Variants in MED13L observed in about 807,000 individuals in gnomAD.
The protein encoded by MED13L is mediator complex subunit 13L.
MED13L carries 7 observed loss-of-function variants against 220.9 expected under a neutral mutation model. The observed-to-expected ratio is 0.03, with a 90% CI of 0.02 to 0.06. MED13L has a LOEUF of 0.06. MED13L is among the 10% of genes least tolerant of loss of function. The pLI, the probability that MED13L is intolerant of heterozygous loss-of-function variation, is 1.00. For synonymous variants in MED13L, 1,011 were observed against 1,015.2 expected (o/e 1.00, Z 0.08); for missense variants, 1,965 against 2,760.5 (o/e 0.71, Z 6.46).
At chr12:116,253,228 C>A (rs1351733175) in intron 1 of MED13L, among the ~76,000 whole-genome samples, 1 of 145,040 alleles carries the variant, frequency 6.9e-6, no homozygotes, top group Admixed American at 7.2e-5. Context: ...GCCAAGATGG[C>A]GCCATTGCAC....
intron 1 of MED13L, among the ~76,000 whole-genome samples, chr12:116,251,064 T>G (rs2138518215): frequency 6.6e-6 from 1 of 150,392 alleles, no homozygotes; most frequent in African/African-American, 2.4e-5. Context: ...GAGGTATATC[T>G]AATAAGCCAA....
chr12:115,986,607 C>T (rs1877707550), intron 18 of MED13L, 118 bp from the exon 19 acceptor site: 8 of 940,576 alleles, frequency 8.5e-6, no homozygotes, highest in Non-Finnish European at 1.3e-5. Flanking sequence ...TCCATGTTCA[C>T]AAGACATTCT....
At chr12:116,035,636 G>A (rs118151130) in intron 4 of MED13L, among the ~76,000 whole-genome samples, 2,612 of 151,922 alleles carry the variant, frequency 0.017, 42 homozygotes, top group Middle Eastern at 0.031. Context: ...TGTCACTCAG[G>A]CTGGAATGCA....
chr12:116,080,602 T>G (rs1871165750), intron 4 of MED13L, among the ~76,000 whole-genome samples: 2 of 152,208 alleles, frequency 1.3e-5, no homozygotes, highest in South Asian at 4.1e-4. Context: ...AAGTTCACAG[T>G]TTCAGTATTA....
intron 2 of MED13L, among the ~76,000 whole-genome samples, chr12:116,201,093 A>G (rs1238120150): frequency 6.6e-6 from 1 of 152,242 alleles, no homozygotes; most frequent in Non-Finnish European, 1.5e-5. Context: ...GACTAGGATC[A>G]ACTGAATATA....
At chr12:116,124,122 A>AGAGAGAGAGAGAG (rs1565888715) in intron 2 of MED13L, among the ~76,000 whole-genome samples, 2 of 91,222 alleles carry the variant, frequency 2.2e-5, no homozygotes, top group Non-Finnish European at 4.5e-5. Flanking sequence ...AGAGAGAAAG[A>AGAGAGAGAGAGAG]CGAGAGAGAG....
intron 2 of MED13L, among the ~76,000 whole-genome samples, chr12:116,211,653 C>T (rs558318831): frequency 6.6e-6 from 1 of 152,122 alleles, no homozygotes; most frequent in East Asian, 1.9e-4. Context: ...GCAAGATAAA[C>T]GTTAAGTGAC....
rs1219003132 is a variant in MED13L, at chr12:115,959,085, C to G, written c.*2181G>C. ...TCAGATTAATTCAGTAAAAAACTCA[C>G]AAGTAAAATAATGCATATTTAAGGG... On this transcript the variant is annotated 3_prime_UTR_variant, in exon 31 of 31. Transcript: ENST00000281928. 6.6e-6 allele frequency: 1 copy of G among 152,490 alleles called. No individual in the cohort carries two copies. The highest frequency in any genetic ancestry group is 1.5e-5 in the Non-Finnish European group (1 of 68,008). The allele number at this position is 152,490 out of a possible 1,614,324, so 9.4% of individuals were successfully genotyped here.
At chr12:116,031,752 A>AAGAAGGAAGGAAGGAAGGAAGGAAGG (rs1555251772) in intron 4 of MED13L, among the ~76,000 whole-genome samples, 1 of 31,486 alleles carries the variant, frequency 3.2e-5, no homozygotes, top group Non-Finnish European at 5.6e-5. Flanking sequence ...AAAGAAAAGA[A>AAGAAGGAAGGAAGGAAGGAAGGAAGG]AAGAAAAGAA....
chr12:115,967,993 T>C (rs1876300229), intron 28 of MED13L, among the ~76,000 whole-genome samples: 1 of 145,384 alleles, frequency 6.9e-6, no homozygotes, highest in African/African-American at 2.6e-5. Context: ...CTGTGACTAA[T>C]CTAAGCTATA....
intron 2 of MED13L, among the ~76,000 whole-genome samples, chr12:116,192,024 T>C (rs1355947253): frequency 6.6e-6 from 1 of 152,240 alleles, no homozygotes; most frequent in African/African-American, 2.4e-5. Flanking sequence ...ATGAGTGTGC[T>C]AAAATATTAA....
Position 116,202,249 on chromosome 12 carries a change from G to A in MED13L, c.310+35219C>T, listed in dbSNP as rs114168988. Among the ~76,000 whole-genome samples the A allele has an allele frequency of 4.4e-3, 667 of 152,272 alleles. 6 individuals are homozygous for A. Among genetic ancestry groups the A allele is most frequent in the African/African-American group, 0.015 (619 of 41,546 alleles). ...TGCAGAGGCAAGAAGCATTATTATG[G>A]CTCTGAAATCCATATTCAGTAAGGC... On this transcript the variant is annotated intron_variant, in intron 2 of 30. Transcript: ENST00000281928.
At chr12:116,119,820 A>T (rs1371679644) in intron 2 of MED13L, among the ~76,000 whole-genome samples, 194 of 83,896 alleles carry the variant, frequency 2.3e-3, no homozygotes, top group Middle Eastern at 6.1e-3. Context: ...AAAAAAAAAA[A>T]AAAAAAAAAA....
In MED13L at chr12:115,996,698, G is replaced by T. The variant is rs1376137313; in HGVS notation, c.2791-17C>A. The T allele has an allele frequency of 1.2e-5, 19 of 1,601,184 alleles. No individual in the cohort carries two copies. The highest frequency in any genetic ancestry group is 2.7e-5 in the African/African-American group (2 of 74,640). On this transcript the variant is annotated splice_polypyrimidine_tract_variant and intron_variant, in intron 15 of 30. Coordinates refer to ENST00000281928, the MANE Select transcript of MED13L (RefSeq NM_015335.5). ...TGAAAAGTCCTGTGACAACAAAGTGGGGTCAGTGTTAATATTGGTAAACTC... is the reference window on the plus strand; with the variant it reads ...TGAAAAGTCCTGTGACAACAAAGTGTGGTCAGTGTTAATATTGGTAAACTC...
intron 4 of MED13L, among the ~76,000 whole-genome samples, chr12:116,036,187 T>C (rs1412265149): frequency 5.3e-5 from 8 of 152,142 alleles, no homozygotes; most frequent in African/African-American, 1.9e-4. Flanking sequence ...TAACCAAAGA[T>C]TAAATTACTT....
intron 28 of MED13L, among the ~76,000 whole-genome samples, chr12:115,968,057 C>CGT (rs1565983677): frequency 2.5e-5 from 3 of 118,272 alleles, no homozygotes; most frequent in African/African-American, 6.2e-5. Flanking sequence ...TAAAAGTCCC[C>CGT]CCCCCCCCCC....
intron 4 of MED13L, among the ~76,000 whole-genome samples, chr12:116,063,632 G>A (rs904805275): frequency 6.6e-6 from 1 of 152,172 alleles, no homozygotes; most frequent in East Asian, 1.9e-4. Context: ...CACTGACCTA[G>A]ATAAATGGTT....
At chr12:116,154,288 A>G (rs1215342755) in intron 2 of MED13L, among the ~76,000 whole-genome samples, 1 of 152,178 alleles carries the variant, frequency 6.6e-6, no homozygotes, top group Non-Finnish European at 1.5e-5. Context: ...CGTCCTATTA[A>G]TTACTGAACA....
intron 4 of MED13L, among the ~76,000 whole-genome samples, chr12:116,034,629 C>T (rs1184811553): frequency 1.3e-5 from 2 of 152,176 alleles, no homozygotes; most frequent in African/African-American, 4.8e-5. Flanking sequence ...GTTCCACTTT[C>T]TCCATAGTCT....
Sources: gnomAD v4.1 joint callset for allele counts (sites outside exome capture counted in the v4.1 genomes callset) on GRCh38, gnomAD v4.1.1 for gene constraint, MANE v1.5 for transcripts, NCBI Gene and HGNC (gene_info 2026-07-23, HGNC 2026-07-21) for gene names.